SOBP: variants seen among roughly 807,000 people sequenced by gnomAD.
SOBP encodes sine oculis binding protein homolog.
In SOBP, 4 loss-of-function variants were observed where a neutral mutation model predicts 53.6. That is an observed-to-expected ratio of 0.07 (90% CI 0.04 to 0.17). The LOEUF (loss-of-function observed/expected upper bound fraction) is 0.17, where lower values mean the gene tolerates loss of function less well. Among genes scored for constraint, SOBP ranks in the 10% least tolerant of loss-of-function variants. SOBP has a pLI of 1.00. For synonymous variants in SOBP, 584 were observed against 522.6 expected (o/e 1.12, Z -1.60); for missense variants, 1,088 against 1,204.7 (o/e 0.90, Z 1.43).
rs1301881742 is a variant in SOBP, at chr6:107,535,635, G to T, written c.573+2025G>T. On this transcript the variant is annotated intron_variant, in intron 4 of 6. Transcript: ENST00000317357. ...TTCTTGTGTGTGTGTGTGTGTGTGTGTGTTTTTTTTTTTTCCAAATAGAGA... is the reference window on the plus strand; with the variant it reads ...TTCTTGTGTGTGTGTGTGTGTGTGTTTGTTTTTTTTTTTTCCAAATAGAGA... Among the ~76,000 whole-genome samples, 365 of 141,684 alleles carry T rather than the reference G, an allele frequency of 2.6e-3. 1 individual carries two copies. Among genetic ancestry groups the T allele is most frequent in the Non-Finnish European group, 4.4e-3 (291 of 65,904 alleles). The allele number at this position is 141,684 out of a possible 152,430, so 93.0% of individuals were successfully genotyped here. A position where few individuals can be genotyped will look rare whatever the true frequency, so the allele number is the denominator to read the frequency against.
At chr6:107,572,712 T>C (rs1307727696) in intron 4 of SOBP, among the ~76,000 whole-genome samples, 2 of 152,128 alleles carry the variant, frequency 1.3e-5, no homozygotes, top group South Asian at 2.1e-4. Context: ...GGTTACTCAG[T>C]GTGTGGATTA....
intron 2 of SOBP, among the ~76,000 whole-genome samples, chr6:107,506,002 G>A (rs1330387812): frequency 6.6e-6 from 1 of 152,162 alleles, no homozygotes; most frequent in African/African-American, 2.4e-5. Context: ...TTATCACCAT[G>A]ATTCAACTGG....
At chr6:107,618,250 A>G (rs561609803) in intron 5 of SOBP, among the ~76,000 whole-genome samples, 32 of 152,356 alleles carry the variant, frequency 2.1e-4, no homozygotes, top group African/African-American at 7.7e-4. Context: ...GGTACAATTC[A>G]GGAAAGTTAG....
chr6:107,541,843 A>G (rs1330238016), intron 4 of SOBP, among the ~76,000 whole-genome samples: 2 of 152,188 alleles, frequency 1.3e-5, no homozygotes, highest in Admixed American at 6.5e-5. Context: ...AGCAATATAA[A>G]TTGATAACAA....
At position 107,635,427 on chromosome 6, in the gene SOBP, C is replaced by A. The variant is rs1390486179; in HGVS notation, c.2583C>A (p.Leu861=). 1 of 1,613,468 alleles carries A rather than the reference C, an allele frequency of 6.2e-7. No homozygotes were observed. The highest frequency in any genetic ancestry group is 1.3e-5 in the African/African-American group (1 of 74,910). The change falls in exon 6 of 7, where the codon CTC becomes CTA. Residue 861 remains leucine (L), a synonymous_variant. Transcript: ENST00000317357. This position sits in a 1 kb window ranked among gnomAD's most constrained non-coding sequence, Gnocchi z 4.5. ...GGCCTGAGGACCTGGAGCCGCCGCTCAAAAGGAGGTGCCTCCGAATTAGAA... is the reference window on the plus strand; with the variant it reads ...GGCCTGAGGACCTGGAGCCGCCGCTAAAAAGGAGGTGCCTCCGAATTAGAA... ...SAGPEDLEPP[L]KRRCLRIRNQ...
intron 3 of SOBP, chr6:107,509,779 A>G (rs1562580228): frequency 6.6e-6 from 1 of 152,066 alleles, no homozygotes; most frequent in Non-Finnish European, 1.5e-5. Context: ...AGATGTAGGA[A>G]CTCTGAGGAA....
At chr6:107,512,942 A>C (rs952127425) in intron 3 of SOBP, among the ~76,000 whole-genome samples, 1 of 152,216 alleles carries the variant, frequency 6.6e-6, no homozygotes, top group African/African-American at 2.4e-5. Flanking sequence ...TAAATCTCTG[A>C]ATACTTTAAA....
At chr6:107,590,806 C>T (rs191055990) in intron 5 of SOBP, among the ~76,000 whole-genome samples, 43 of 152,226 alleles carry the variant, frequency 2.8e-4, no homozygotes, top group African/African-American at 8.7e-4. Context: ...TTCATTTCCT[C>T]GTGGATGTAG....
chr6:107,583,463 A>G (rs1206247027), intron 4 of SOBP, among the ~76,000 whole-genome samples: 2 of 152,386 alleles, frequency 1.3e-5, no homozygotes, highest in East Asian at 1.9e-4. Flanking sequence ...ACCAGAAACT[A>G]AGAAACAAAC....
chr6:107,649,787 G>C (rs1771726507), intron 6 of SOBP, among the ~76,000 whole-genome samples: 1 of 152,134 alleles, frequency 6.6e-6, no homozygotes, highest in Non-Finnish European at 1.5e-5. Context: ...TAAACTTCCA[G>C]GTTCTGGAAA....
chr6:107,536,752 A>G (rs557750113), intron 4 of SOBP, among the ~76,000 whole-genome samples: 65 of 152,228 alleles, frequency 4.3e-4, no homozygotes, highest in Admixed American at 2.6e-4. Flanking sequence ...CAACACTGCC[A>G]GGAGAGGACC....
intron 4 of SOBP, among the ~76,000 whole-genome samples, chr6:107,547,746 T>A (rs1045617507): frequency 6.6e-6 from 1 of 152,204 alleles, no homozygotes; most frequent in Non-Finnish European, 1.5e-5. Flanking sequence ...ACATAGTACA[T>A]ACATTAATCC....
intron 5 of SOBP, among the ~76,000 whole-genome samples, chr6:107,632,670 T>C (rs997963058): frequency 8.5e-5 from 13 of 152,318 alleles, no homozygotes; most frequent in South Asian, 2.1e-4. Context: ...TGATTTCCAA[T>C]TGGGAAAAGC....
At chr6:107,542,464 C>T (rs1428338119) in intron 4 of SOBP, among the ~76,000 whole-genome samples, 1 of 152,060 alleles carries the variant, frequency 6.6e-6, no homozygotes, top group Non-Finnish European at 1.5e-5. Flanking sequence ...GGAGTTCATT[C>T]TAAGTGTGAT....
At chr6:107,549,550 G>A (rs1021511696) in intron 4 of SOBP, among the ~76,000 whole-genome samples, 1 of 151,966 alleles carries the variant, frequency 6.6e-6, no homozygotes, top group Non-Finnish European at 1.5e-5. Context: ...AGTAAATGGA[G>A]TTAGAACTTT....
chr6:107,507,376 G>A (rs561039862), intron 3 of SOBP, among the ~76,000 whole-genome samples: 44 of 152,084 alleles, frequency 2.9e-4, no homozygotes, highest in African/African-American at 1.1e-3. Context: ...TGCTATCTTG[G>A]CTCACTGCAA....
At chr6:107,591,680 A>G (rs558681936) in intron 5 of SOBP, among the ~76,000 whole-genome samples, 117 of 152,330 alleles carry the variant, frequency 7.7e-4, no homozygotes, top group Admixed American at 1.3e-3. Context: ...CAGGGGTTTC[A>G]ATAACTGACA....
rs1210373767 is a variant in SOBP, at chr6:107,634,884, C to T, written c.2040C>T (p.Arg680=). 7.5e-7 allele frequency: 1 copy of T among 1,335,562 alleles called. No individual in the cohort carries two copies. The highest frequency in any genetic ancestry group is 9.7e-7 in the Non-Finnish European group (1 of 1,034,444). 82.7% of individuals were successfully genotyped at this position (1,335,562 alleles called of 1,614,324 possible). A position where few individuals can be genotyped will look rare whatever the true frequency, so the allele number is the denominator to read the frequency against. Reference sequence around the variant, plus strand: ...TGCACGCGCACGTCAAGGCGGAGCGCGAGCCGAGCGCCGCGGAGCGCAGGA... The same window carrying T: ...TGCACGCGCACGTCAAGGCGGAGCGTGAGCCGAGCGCCGCGGAGCGCAGGA... ...RALHAHVKAE[R]EPSAAERRTC... Residue 680 remains arginine (R), a synonymous_variant, in exon 6 of 7, where the codon CGC becomes CGT. Transcript: ENST00000317357. This position sits in a 1 kb window ranked among gnomAD's most constrained non-coding sequence, Gnocchi z 4.5.
chr6:107,516,190 A>C (rs575596939), intron 3 of SOBP, among the ~76,000 whole-genome samples: 9 of 152,296 alleles, frequency 5.9e-5, no homozygotes, highest in African/African-American at 1.7e-4. Flanking sequence ...GGCCAGGCAC[A>C]ATGGCTCATG....
Sources: allele counts gnomAD v4.1 joint callset (sites outside exome capture counted in the v4.1 genomes callset), GRCh38; gene constraint gnomAD v4.1.1; non-coding constraint Gnocchi (gnomAD v3.1); transcripts MANE v1.5; gene names NCBI Gene and HGNC (gene_info 2026-07-23, HGNC 2026-07-21).